The following ROCK2 variants were observed in gnomAD, a reference collection of about 807,000 sequenced individuals.
The protein encoded by ROCK2 is Rho associated coiled-coil containing protein kinase 2, also known as rho-associated protein kinase 2.
Under a neutral mutation model 195.1 loss-of-function variants are expected in ROCK2, and 61 were observed. The observed-to-expected ratio is 0.31, with a 90% CI of 0.25 to 0.39. The LOEUF (loss-of-function observed/expected upper bound fraction) is 0.39, where lower values mean the gene tolerates loss of function less well. Ranked by LOEUF, ROCK2 falls within the 10% of genes least tolerant of loss-of-function variation. ROCK2 has a pLI of 1.00. For missense variants in ROCK2, 1,109 were observed against 1,637.4 expected, an observed-to-expected ratio of 0.68 and a Z score of 5.57; for synonymous variants, 504 against 545.5, an observed-to-expected ratio of 0.92 and a Z score of 1.06.
intron 1 of ROCK2, among the ~76,000 whole-genome samples, chr2:11,330,609 C>A (rs563611363): frequency 6.6e-6 from 1 of 151,912 alleles, no homozygotes; most frequent in East Asian, 1.9e-4. Context: ...ACCCAAGAAG[C>A]GGAGGCTGCA....
intron 20 of ROCK2, among the ~76,000 whole-genome samples, chr2:11,204,036 TGAG>T (rs969374882): frequency 9.7e-4 from 147 of 152,322 alleles, no homozygotes; most frequent in African/African-American, 3.1e-3. Flanking sequence ...TGATTACAAA[TGAG>T]GAGTACAGAA....
chr2:11,241,974 A>T (rs1023090007), intron 4 of ROCK2, among the ~76,000 whole-genome samples: 1 of 152,178 alleles, frequency 6.6e-6, no homozygotes, highest in Non-Finnish European at 1.5e-5. Context: ...CCCTTGTAAA[A>T]TAGGCCCAAG....
intron 20 of ROCK2, among the ~76,000 whole-genome samples, chr2:11,206,480 A>G (rs1045367284): frequency 3.9e-5 from 6 of 152,226 alleles, no homozygotes; most frequent in African/African-American, 1.2e-4. Flanking sequence ...CAAAAAACAC[A>G]AAGACAAAGA....
intron 4 of ROCK2, among the ~76,000 whole-genome samples, chr2:11,245,254 T>C (rs1272820404): frequency 1.3e-5 from 2 of 149,032 alleles, no homozygotes; most frequent in Non-Finnish European, 3.0e-5. Flanking sequence ...TATAAAATTA[T>C]ATTATAAATT....
upstream of ROCK2, among the ~76,000 whole-genome samples, chr2:11,344,982 C>G (rs868569981): frequency 4.8e-4 from 72 of 151,100 alleles, no homozygotes; most frequent in Middle Eastern, 0.01. This position sits in a 1 kb window ranked among gnomAD's most constrained non-coding sequence, Gnocchi z 5.4. Context: ...AGGCGGAACC[C>G]CAGACGCCGG....
At chr2:11,281,975 C>G (rs1667020060) in intron 3 of ROCK2, among the ~76,000 whole-genome samples, 1 of 151,948 alleles carries the variant, frequency 6.6e-6, no homozygotes, top group Non-Finnish European at 1.5e-5. Flanking sequence ...CAAAAAAAAC[C>G]CCAGTAAGTT....
chr2:11,215,497 C>T lies in ROCK2; in HGVS notation c.1597+13G>A, dbSNP rs776506239. On this transcript the variant is annotated intron_variant, in intron 14 of 32. Transcript: ENST00000315872. The stretch of plus-strand genomic sequence containing the variant: ...TTTTTCTTGATGAGTAATTAATATT[C>T]TACACCACAAACCATCATTTTCCAA... The T allele has an allele frequency of 6.2e-7, 1 of 1,611,338 alleles. No homozygotes were observed. The highest frequency in any genetic ancestry group is 8.5e-7 in the Non-Finnish European group (1 of 1,179,204).
Position 11,197,663 on chromosome 2 carries a change from C to G in ROCK2, c.3142G>C (p.Val1048Leu), listed in dbSNP as rs367991548. Residue 1048 changes from valine to leucine, a missense_variant, in exon 26 of 33, where the codon GTC (valine) becomes CTC (leucine). Coordinates refer to ENST00000315872, the MANE Select transcript of ROCK2 (RefSeq NM_004850.5). This position sits in a 1 kb window ranked among gnomAD's most constrained non-coding sequence, Gnocchi z 4.9. ...LAEIMNRKEP[V>L]KRGNDTDVRR... ...ACATCTGTGTCATTACCACGCTTGA[C>G]AGGTTCTTTTCGATTCATGATCTCA... 6.2e-7 allele frequency: 1 copy of G among 1,604,468 alleles called. No homozygotes were observed. Among genetic ancestry groups the G allele is most frequent in the East Asian group, 2.2e-5 (1 of 44,578 alleles).
chr2:11,195,201 C>A, intron 27 of ROCK2, 176 bp from the exon 28 acceptor site: 2 of 359,460 alleles, frequency 5.6e-6, no homozygotes, highest in Non-Finnish European at 9.8e-6. Flanking sequence ...AAAAGTTATG[C>A]AATGCAAAAC....
chr2:11,288,937 A>G (rs1667281429), intron 1 of ROCK2, among the ~76,000 whole-genome samples: 1 of 152,158 alleles, frequency 6.6e-6, no homozygotes, highest in Non-Finnish European at 1.5e-5. Flanking sequence ...AAAGGTAATT[A>G]ATCTACTAAT....
chr2:11,187,367 C>A (rs1265063662), intron 32 of ROCK2, among the ~76,000 whole-genome samples: 2 of 152,212 alleles, frequency 1.3e-5, no homozygotes, highest in African/African-American at 4.8e-5. Context: ...CTTTGTCCAG[C>A]ATATCCATGC....
At chr2:11,263,648 A>G (rs1393735225) in intron 3 of ROCK2, among the ~76,000 whole-genome samples, 1 of 73,222 alleles carries the variant, frequency 1.4e-5, no homozygotes, top group African/African-American at 3.1e-5. Flanking sequence ...ACTATAGCAC[A>G]AGGCACACAC....
intron 3 of ROCK2, among the ~76,000 whole-genome samples, chr2:11,279,693 A>T (rs1432450573): frequency 1.3e-5 from 2 of 152,230 alleles, no homozygotes; most frequent in African/African-American, 2.4e-5. Flanking sequence ...TATAACTGAC[A>T]TCTATAGACT....
chr2:11,294,087 G>A (rs1667439375), intron 1 of ROCK2, among the ~76,000 whole-genome samples: 1 of 152,062 alleles, frequency 6.6e-6, no homozygotes, highest in Non-Finnish European at 1.5e-5. Flanking sequence ...AACCCGGGAG[G>A]TGGAGCTTGC....
chr2:11,322,160 C>T (rs917599606), intron 1 of ROCK2, among the ~76,000 whole-genome samples: 3 of 152,088 alleles, frequency 2.0e-5, no homozygotes, highest in Admixed American at 6.6e-5. Flanking sequence ...GGCTCCAGAA[C>T]TTTGAGATAA....
chr2:11,205,802 T>C (rs929769216), intron 20 of ROCK2, among the ~76,000 whole-genome samples: 1 of 152,090 alleles, frequency 6.6e-6, no homozygotes, highest in Non-Finnish European at 1.5e-5. Flanking sequence ...ATGTAGTATA[T>C]GTAAAACCTT....
intron 32 of ROCK2, among the ~76,000 whole-genome samples, chr2:11,188,691 T>TCGGCTCACTACA (rs1558273924): frequency 1.3e-5 from 2 of 149,662 alleles, no homozygotes; most frequent in Non-Finnish European, 3.0e-5. Flanking sequence ...TGGCGTGATC[T>TCGGCTCACTACA]CGGCTCACTA....
rs1323879003 is a variant in ROCK2 at position 11,180,676 on chromosome 2, G to A, written c.*2761C>T. ...CCATAGGAGGTATTTATGGTTCTAG[G>A]AGAAATCAGGTGTGAAGGAACAAGC... On this transcript the variant is annotated 3_prime_UTR_variant, in exon 33 of 33. Coordinates refer to ENST00000315872, the MANE Select transcript of ROCK2 (RefSeq NM_004850.5). The A allele has an allele frequency of 3.3e-5, 5 of 152,152 alleles. No homozygotes were observed. Among genetic ancestry groups the A allele is most frequent in the African/African-American group, 7.2e-5 (3 of 41,438 alleles). The allele number at this position is 152,152 out of a possible 1,614,324, so 9.4% of individuals were successfully genotyped here.
chr2:11,275,935 G>A (rs913888838), intron 3 of ROCK2, among the ~76,000 whole-genome samples: 8 of 152,082 alleles, frequency 5.3e-5, no homozygotes, highest in African/African-American at 1.9e-4. Context: ...CCTGACCTCA[G>A]GTGATCCGCC....
Sources: gnomAD v4.1 joint callset for allele counts (sites outside exome capture counted in the v4.1 genomes callset) on GRCh38, gnomAD v4.1.1 for gene constraint, Gnocchi (gnomAD v3.1) non-coding constraint, MANE v1.5 for transcripts, NCBI Gene and HGNC (gene_info 2026-07-23, HGNC 2026-07-21) for gene names.